The following CTNNA3 variants were observed in gnomAD, a reference collection of about 807,000 sequenced individuals.
CTNNA3 encodes the protein catenin alpha 3.
A neutral mutation model predicts 95.7 loss-of-function variants in CTNNA3; 76 were observed. That is an observed-to-expected ratio of 0.79 (90% CI 0.66 to 0.96). The LOEUF (loss-of-function observed/expected upper bound fraction) is 0.96, where lower values mean the gene tolerates loss of function less well. Among genes scored for constraint, CTNNA3 ranks in the 40% least tolerant of loss-of-function variants. The pLI is 0.00. For synonymous variants in CTNNA3, 431 were observed against 374.4 expected, an observed-to-expected ratio of 1.15 and a Z score of -1.74; for missense variants, 1,191 against 1,089.8, an observed-to-expected ratio of 1.09 and a Z score of -1.31.
intron 11 of CTNNA3, among the ~76,000 whole-genome samples, chr10:66,429,469 A>C (rs1183372759): frequency 6.6e-6 from 1 of 152,170 alleles, no homozygotes; most frequent in Admixed American, 6.6e-5. Flanking sequence ...TTTTAGACCA[A>C]TATCCCTGAT....
At chr10:66,454,253 T>C (rs1048087085) in intron 11 of CTNNA3, among the ~76,000 whole-genome samples, 2 of 152,212 alleles carry the variant, frequency 1.3e-5, no homozygotes, top group Non-Finnish European at 2.9e-5. Context: ...AATAAATGTG[T>C]ATTATTTTAA....
intron 7 of CTNNA3, among the ~76,000 whole-genome samples, chr10:66,904,127 C>T (rs1037150040): frequency 6.6e-6 from 1 of 152,158 alleles, no homozygotes; most frequent in Admixed American, 6.5e-5. Flanking sequence ...AACTATACTA[C>T]AAGGCAACAG....
At chr10:66,209,424 ACATCT>A (rs1364466555) in intron 13 of CTNNA3, among the ~76,000 whole-genome samples, 3 of 152,204 alleles carry the variant, frequency 2.0e-5, no homozygotes, top group African/African-American at 7.2e-5. Flanking sequence ...AACCTAAGGT[ACATCT>A]CAATGATAAG....
At chr10:67,690,656 T>A (rs1011074399) in intron 1 of CTNNA3, among the ~76,000 whole-genome samples, 1 of 152,136 alleles carries the variant, frequency 6.6e-6, no homozygotes, top group African/African-American at 2.4e-5. Flanking sequence ...GCATTTACAA[T>A]CCCTTAGCTA....
In CTNNA3 at chr10:65,914,501, A is replaced by G. The variant is rs2076983291; in HGVS notation, c.*5829T>C. The stretch of plus-strand genomic sequence containing the variant: ...AAAGTTTACCTGTATTCAGGCACAT[A>G]CTATGCACACGTGTGACCTCCATAA... On this transcript the variant is annotated 3_prime_UTR_variant, in exon 18 of 18. Transcript: ENST00000433211. 1 of 152,138 alleles carries G rather than the reference A, an allele frequency of 6.6e-6. No homozygotes were observed. The highest frequency in any genetic ancestry group is 6.6e-5 in the Admixed American group (1 of 15,260). The allele number at this position is 152,138 out of a possible 1,614,324, so 9.4% of individuals were successfully genotyped here.
chr10:67,564,358 C>G (rs550835676), intron 3 of CTNNA3, among the ~76,000 whole-genome samples: 1 of 149,166 alleles, frequency 6.7e-6, no homozygotes, highest in Non-Finnish European at 1.5e-5. Flanking sequence ...ATGGATGGAG[C>G]TGGTAACCAC....
At chr10:67,685,283 T>C (rs982631700) in intron 1 of CTNNA3, among the ~76,000 whole-genome samples, 1 of 152,248 alleles carries the variant, frequency 6.6e-6, no homozygotes, top group Non-Finnish European at 1.5e-5. Flanking sequence ...TTAGAATTGG[T>C]ATAGATGGCT....
intron 5 of CTNNA3, among the ~76,000 whole-genome samples, chr10:67,254,643 A>G (rs1437719127): frequency 5.3e-5 from 8 of 152,180 alleles, no homozygotes; most frequent in Admixed American, 5.2e-4. Flanking sequence ...CACATATACA[A>G]TGGTGGTCCT....
chr10:65,993,122 C>G (rs1564564628), intron 15 of CTNNA3, among the ~76,000 whole-genome samples: 1 of 152,086 alleles, frequency 6.6e-6, no homozygotes, highest in East Asian at 1.9e-4. Context: ...ATGCTATTAA[C>G]TTTTAAAAAA....
intron 11 of CTNNA3, among the ~76,000 whole-genome samples, chr10:66,421,834 CAAAAAA>C (rs35845509): frequency 1.2e-5 from 1 of 81,524 alleles, no homozygotes; most frequent in African/African-American, 4.3e-5. Context: ...GACTCTGTCT[CAAAAAA>C]AAAAAAAAAA....
rs1165086155 is a variant in CTNNA3 at position 66,685,307 on chromosome 10, A to G, written c.1282-63523T>C. On this transcript the variant is annotated intron_variant, in intron 9 of 17. Transcript: ENST00000433211. ...TAAGTATATATATGTGTGTATATAT[A>G]TGTGTGTGTGTATGTGTGTATATAT... 1.7e-3 allele frequency among the ~76,000 whole-genome samples: 102 copies of G among 60,884 alleles called. 1 individual carries two copies. The highest frequency in any genetic ancestry group is 6.4e-3 in the African/African-American group (66 of 10,298). The allele number at this position is 60,884 out of a possible 152,430, so 39.9% of individuals were successfully genotyped here.
At chr10:65,948,977 G>A (rs1394127485) in intron 17 of CTNNA3, among the ~76,000 whole-genome samples, 1 of 152,054 alleles carries the variant, frequency 6.6e-6, no homozygotes, top group Non-Finnish European at 1.5e-5. Context: ...ATTCTTTAGA[G>A]CTTGTTTCTA....
chr10:66,777,846 C>T (rs1039508163), intron 7 of CTNNA3, among the ~76,000 whole-genome samples: 8 of 151,456 alleles, frequency 5.3e-5, no homozygotes, highest in Admixed American at 1.3e-4. Context: ...ATGGGAGACT[C>T]CTGTTGTGTT....
intron 5 of CTNNA3, among the ~76,000 whole-genome samples, chr10:67,471,765 T>C (rs560088377): frequency 6.6e-6 from 1 of 152,336 alleles, no homozygotes; most frequent in Admixed American, 6.5e-5. Flanking sequence ...TAATTATGTA[T>C]GCTTTTGTCT....
rs370358378 is a variant in CTNNA3 at position 67,121,981 on chromosome 10, C to CAAA, written c.1047+58333_1047+58335dup. 1.9e-3 allele frequency among the ~76,000 whole-genome samples: 91 copies of CAAA among 47,116 alleles called. 11 individuals carry two copies. Among genetic ancestry groups the CAAA allele is most frequent in the African/African-American group, 3.3e-3 (48 of 14,690 alleles). The allele number at this position is 47,116 out of a possible 152,430, so 30.9% of individuals were successfully genotyped here. A position where few individuals can be genotyped will look rare whatever the true frequency, so the allele number is the denominator to read the frequency against. On this transcript the variant is annotated intron_variant, in intron 7 of 17. Transcript: ENST00000433211. ...CGCTCTTAGCCAACATTATTCTGAG[C>CAAA]AAAAAAAAAAAAAAAAAAAAAAAAA...
At chr10:66,816,394 C>A (rs569360572) in intron 7 of CTNNA3, among the ~76,000 whole-genome samples, 38 of 151,994 alleles carry the variant, frequency 2.5e-4, no homozygotes, top group African/African-American at 8.2e-4. Context: ...AGGCAAAAAT[C>A]GACTAATGGA....
chr10:66,435,469 T>C (rs2093330363), intron 11 of CTNNA3, among the ~76,000 whole-genome samples: 1 of 152,054 alleles, frequency 6.6e-6, no homozygotes, highest in Non-Finnish European at 1.5e-5. Flanking sequence ...TGGTAGTTTG[T>C]ATTTCTATAG....
At chr10:66,312,700 T>C (rs1377063893) in intron 12 of CTNNA3, among the ~76,000 whole-genome samples, 2 of 151,920 alleles carry the variant, frequency 1.3e-5, no homozygotes, top group African/African-American at 2.4e-5. Flanking sequence ...GCATGCATCA[T>C]CAGGCCCGGA....
At chr10:67,680,654 A>G (rs1840609370) in intron 1 of CTNNA3, among the ~76,000 whole-genome samples, 1 of 152,234 alleles carries the variant, frequency 6.6e-6, no homozygotes, top group African/African-American at 2.4e-5. Flanking sequence ...TAAACCAGCT[A>G]AAGTAGACTT....
Sources: gnomAD v4.1 joint callset for allele counts (sites outside exome capture counted in the v4.1 genomes callset) on GRCh38, gnomAD v4.1.1 for gene constraint, MANE v1.5 for transcripts, NCBI Gene and HGNC (gene_info 2026-07-23, HGNC 2026-07-21) for gene names.